Variants in L3MBTL3 observed in about 807,000 individuals in gnomAD.
L3MBTL3 encodes the protein L3MBTL histone methyl-lysine binding protein 3.
Under a neutral mutation model 102.3 loss-of-function variants are expected in L3MBTL3, and 27 were observed. The ratio of observed to expected loss-of-function variants is 0.26; its 90% CI spans 0.19 to 0.36. L3MBTL3 has a LOEUF of 0.36. Among genes scored for constraint, L3MBTL3 ranks in the 10% least tolerant of loss-of-function variants. L3MBTL3 has a pLI of 1.00. For missense variants in L3MBTL3, 798 were observed against 955.3 expected, an observed-to-expected ratio of 0.84 and a Z score of 2.17; for synonymous variants, 340 against 320.9, an observed-to-expected ratio of 1.06 and a Z score of -0.64.
At chr6:130,055,346 A>G (rs1208167615) in intron 8 of L3MBTL3, 91 bp downstream of exon 8, 1 of 871,476 alleles carries the variant, frequency 1.1e-6, no homozygotes, top group African/African-American at 1.7e-5. Flanking sequence ...CACTTAAAGT[A>G]TTACTTCAGG....
rs1446559019 is a variant in L3MBTL3, at chr6:130,070,904, T to C, written c.1093-72T>C. The C allele has an allele frequency of 2.5e-6, 3 of 1,176,814 alleles. No individual in the cohort carries two copies. The East Asian group carries it at 8.4e-5, about 33-fold the overall frequency. The allele number at this position is 1,176,814 out of a possible 1,614,324, so 72.9% of individuals were successfully genotyped here. On this transcript the variant is annotated intron_variant, in intron 12 of 22. Coordinates refer to ENST00000361794, the MANE Select transcript of L3MBTL3 (RefSeq NM_032438.4). ...GGATGCTGGGCCTTTGAGCAGGAGG[T>C]GCAGAGAGTGTGCAGTTCTTGTGGT... is the stretch of plus-strand genomic sequence containing the variant.
At chr6:130,054,368 A>G (rs1781324844) in intron 7 of L3MBTL3, among the ~76,000 whole-genome samples, 3 of 152,172 alleles carry the variant, frequency 2.0e-5, no homozygotes, top group Admixed American at 1.3e-4. Flanking sequence ...AGTTAAGACA[A>G]GGGAATGCTT....
chr6:130,082,051 CAT>C lies in L3MBTL3; in HGVS notation c.1322-1567_1322-1566del, dbSNP rs538512354. 1.1e-3 allele frequency among the ~76,000 whole-genome samples: 163 copies of C among 152,312 alleles called. 1 individual carries two copies. The highest frequency in any genetic ancestry group is 9.1e-3 in the Admixed American group (139 of 15,296). Reference sequence around the variant, plus strand: ...GCATTTTTGGCAGGAATATCATAGACATAGTGCTGTGTTCTCATTTCCTTCTC... The same window carrying C: ...GCATTTTTGGCAGGAATATCATAGACAGTGCTGTGTTCTCATTTCCTTCTC... On this transcript the variant is annotated intron_variant, in intron 14 of 22. Coordinates refer to ENST00000361794, the MANE Select transcript of L3MBTL3 (RefSeq NM_032438.4).
At chr6:130,022,407 A>C (rs79466924) in intron 2 of L3MBTL3, 102 bp downstream of exon 2, 18 of 152,340 alleles carry the variant, frequency 1.2e-4, no homozygotes, top group African/African-American at 4.1e-4. Flanking sequence ...GTTGGCAGAA[A>C]AACATCATTT....
chr6:130,059,888 G>A, intron 9 of L3MBTL3, 148 bp from the exon 10 acceptor site: 1 of 549,470 alleles, frequency 1.8e-6, no homozygotes, highest in Non-Finnish European at 3.2e-6. Context: ...CATTTTTTCA[G>A]TGGGTTATTT....
At chr6:130,068,443 T>G in intron 12 of L3MBTL3, 22 bp downstream of exon 12, 1 of 1,375,964 alleles carries the variant, frequency 7.3e-7, no homozygotes, top group Non-Finnish European at 1.0e-6. Context: ...CGAAACACGT[T>G]TTCTTTCAAA....
At chr6:130,024,465 A>G (rs1400876150) in intron 2 of L3MBTL3, among the ~76,000 whole-genome samples, 1 of 152,196 alleles carries the variant, frequency 6.6e-6, no homozygotes, top group African/African-American at 2.4e-5. Flanking sequence ...ATAGGAGTGG[A>G]AAAAAGAAGT....
intron 8 of L3MBTL3, among the ~76,000 whole-genome samples, chr6:130,055,700 TTCTC>T (rs371510182): frequency 4.8e-4 from 64 of 132,132 alleles, no homozygotes; most frequent in African/African-American, 9.4e-4. Flanking sequence ...CCCTCTCTCT[TTCTC>T]TCTCTCTCTC....
chr6:130,048,716 G>A (rs1300067395), intron 3 of L3MBTL3, among the ~76,000 whole-genome samples: 1 of 152,094 alleles, frequency 6.6e-6, no homozygotes, highest in East Asian at 1.9e-4. Context: ...AGGAAATGTG[G>A]CACTGGGGTT....
intron 13 of L3MBTL3, among the ~76,000 whole-genome samples, chr6:130,076,699 G>T (rs1336537744): frequency 6.6e-6 from 1 of 151,902 alleles, no homozygotes; most frequent in Non-Finnish European, 1.5e-5. Context: ...TTTCAGTTAC[G>T]TTTCTACTTT....
chr6:130,074,083 T>A (rs1306318768), intron 13 of L3MBTL3, among the ~76,000 whole-genome samples: 1 of 152,222 alleles, frequency 6.6e-6, no homozygotes, highest in Non-Finnish European at 1.5e-5. Flanking sequence ...ATTACTTAGG[T>A]ATGTAATTGA....
chr6:130,034,151 T>C (rs1373207291), intron 2 of L3MBTL3, among the ~76,000 whole-genome samples: 1 of 152,212 alleles, frequency 6.6e-6, no homozygotes, highest in African/African-American at 2.4e-5. Context: ...GCCTCTGTTT[T>C]ATCCACTCCT....
rs753906788 is a variant in L3MBTL3 at position 130,133,830 on chromosome 6, T to A, written c.2137-13T>A. On this transcript the variant is annotated splice_polypyrimidine_tract_variant and intron_variant, in intron 21 of 22. Transcript: ENST00000361794. This position sits in a 1 kb window ranked among gnomAD's most constrained non-coding sequence, Gnocchi z 4.9. Reference sequence around the variant, plus strand: ...TGTTTTTTAACTGGGAATTTTGATATTGCTTTTGACAGGTGTCAGAATTTA... The same window carrying A: ...TGTTTTTTAACTGGGAATTTTGATAATGCTTTTGACAGGTGTCAGAATTTA... The A allele has an allele frequency of 6.2e-7, 1 of 1,607,346 alleles. No individual in the cohort carries two copies. Among genetic ancestry groups the A allele is most frequent in the Non-Finnish European group, 8.5e-7 (1 of 1,175,330 alleles).
At chr6:130,079,895 G>A (rs997771383) in intron 14 of L3MBTL3, among the ~76,000 whole-genome samples, 2 of 152,148 alleles carry the variant, frequency 1.3e-5, no homozygotes, top group African/African-American at 4.8e-5. Flanking sequence ...GAAAGTCTCT[G>A]TCTTGACTTA....
intron 2 of L3MBTL3, among the ~76,000 whole-genome samples, chr6:130,024,550 T>A (rs1427373589): frequency 6.6e-6 from 1 of 152,156 alleles, no homozygotes; most frequent in East Asian, 1.9e-4. Flanking sequence ...TGGTAGTTTA[T>A]TTTTAAGAAT....
At chr6:130,055,871 TC>T (rs1369465107) in intron 8 of L3MBTL3, among the ~76,000 whole-genome samples, 2 of 151,350 alleles carry the variant, frequency 1.3e-5, no homozygotes, top group Non-Finnish European at 2.9e-5. Context: ...TTTCATCTCT[TC>T]TGTCTTCTCT....
intron 11 of L3MBTL3, among the ~76,000 whole-genome samples, chr6:130,067,670 T>C (rs1170099820): frequency 6.6e-6 from 1 of 152,214 alleles, no homozygotes; most frequent in African/African-American, 2.4e-5. Context: ...CTCTTATATA[T>C]GGTAAATTAT....
intron 10 of L3MBTL3, among the ~76,000 whole-genome samples, chr6:130,061,620 C>A (rs1781907778): frequency 1.3e-5 from 2 of 152,108 alleles, no homozygotes; most frequent in African/African-American, 4.8e-5. Flanking sequence ...CTTGATCAGA[C>A]ATTGTATGTT....
At chr6:130,060,403 T>G (rs774583279) in intron 10 of L3MBTL3, among the ~76,000 whole-genome samples, 1 of 152,116 alleles carries the variant, frequency 6.6e-6, no homozygotes, top group East Asian at 1.9e-4. Flanking sequence ...AACCCGGATT[T>G]GAACCAGTGT....
Sources: gnomAD v4.1 joint callset for allele counts (sites outside exome capture counted in the v4.1 genomes callset) on GRCh38, gnomAD v4.1.1 for gene constraint, Gnocchi (gnomAD v3.1) non-coding constraint, MANE v1.5 for transcripts, NCBI Gene and HGNC (gene_info 2026-07-23, HGNC 2026-07-21) for gene names.